The following NGFR variants were observed in gnomAD, a reference collection of about 807,000 sequenced individuals.
The protein encoded by NGFR is nerve growth factor receptor, also known as tumor necrosis factor receptor superfamily member 16.
A neutral mutation model predicts 43.2 loss-of-function variants in NGFR; 30 were observed. The observed-to-expected ratio is 0.69, with a 90% CI of 0.52 to 0.94. NGFR has a LOEUF of 0.94. Among genes scored for constraint, NGFR ranks in the 40% least tolerant of loss-of-function variants. The pLI is 0.00. For missense variants in NGFR, 529 were observed against 602.5 expected, an observed-to-expected ratio of 0.88 and a Z score of 1.28; for synonymous variants, 246 against 259.6, an observed-to-expected ratio of 0.95 and a Z score of 0.50.
At position 49,495,412 on chromosome 17, in the gene NGFR, C is replaced by A. The variant is rs537350153; in HGVS notation, c.-6C>A. The stretch of plus-strand genomic sequence containing the variant: ...GGAAGTCGAGCGCTGCCGCGGGAGG[C>A]GGGCGATGGGGGCAGGTGCCACCGG... On this transcript the variant is annotated 5_prime_UTR_variant, in exon 1 of 6. Coordinates refer to ENST00000172229, the MANE Select transcript of NGFR (RefSeq NM_002507.4). The surrounding 1 kb of genome is among the most constrained non-coding windows in gnomAD (Gnocchi z 6.4). The A allele has an allele frequency of 4.9e-6, 6 of 1,234,506 alleles. No homozygotes were observed. In the Admixed American group the frequency reaches 2.1e-4, roughly 43 times the overall value. The allele number at this position is 1,234,506 out of a possible 1,614,324, so 76.5% of individuals were successfully genotyped here.
chr17:49,509,712 C>T (rs1435206097), intron 3 of NGFR, among the ~76,000 whole-genome samples: 1 of 152,160 alleles, frequency 6.6e-6, no homozygotes, highest in Non-Finnish European at 1.5e-5. Flanking sequence ...CAGGATCAGG[C>T]TAGGTGGGAG....
chr17:49,506,130 C>T, intron 2 of NGFR, 169 bp from the exon 3 acceptor site: 1 of 1,308,194 alleles, frequency 7.6e-7, no homozygotes, highest in Non-Finnish European at 9.9e-7. Flanking sequence ...CTGCCACCAA[C>T]TTTCACAGGC....
At chr17:49,500,858 A>T (rs1417711421) in intron 1 of NGFR, among the ~76,000 whole-genome samples, 1 of 151,886 alleles carries the variant, frequency 6.6e-6, no homozygotes, top group African/African-American at 2.4e-5. Flanking sequence ...TCCCCACCAA[A>T]CCCTGATGAG....
At chr17:49,506,027 C>T (rs1285874077) in intron 2 of NGFR, 1 of 503,034 alleles carries the variant, frequency 2.0e-6, no homozygotes, top group East Asian at 3.3e-5. Flanking sequence ...CTTAGCGGCA[C>T]CAGCTGGGTT....
At chr17:49,510,368 G>A (rs2143444405) in intron 3 of NGFR, 44 bp from the exon 4 acceptor site, 1 of 1,604,338 alleles carries the variant, frequency 6.2e-7, no homozygotes, top group East Asian at 2.2e-5. Context: ...TAAAAGGGAG[G>A]AGTGGGGGAA....
At chr17:49,508,845 C>T (rs1016532075) in intron 3 of NGFR, among the ~76,000 whole-genome samples, 4 of 152,266 alleles carry the variant, frequency 2.6e-5, no homozygotes, top group African/African-American at 7.2e-5. Flanking sequence ...CCCTCCCAGC[C>T]TTCCCCTACC....
chr17:49,510,912 G>A (rs751658274), intron 4 of NGFR: 4 of 522,012 alleles, frequency 7.7e-6, no homozygotes, highest in Admixed American at 3.3e-5. Context: ...CTCCCATGCC[G>A]CACCACTCCC....
At chr17:49,501,999 A>ACCCCCCCCCCCCCCC in intron 1 of NGFR, 64 bp from the exon 2 acceptor site, 3 of 330,984 alleles carry the variant, frequency 9.1e-6, no homozygotes, top group East Asian at 6.4e-5. Flanking sequence ...TCCCCGGAAG[A>ACCCCCCCCCCCCCCC]ACCCCCCCCA....
rs1328030811 is a variant in NGFR at position 49,503,561 on chromosome 17, CT to C, written c.208+1358del. ...CTAGTGTTACCTCTGGATGTCCCCC[CT>C]GAGTCTATCTGTCCTCCAGGCAACC... On this transcript the variant is annotated intron_variant, in intron 2 of 5. Transcript: ENST00000172229. 2.5e-4 allele frequency among the ~76,000 whole-genome samples: 38 copies of C among 152,330 alleles called. No homozygotes were observed. In the South Asian group the frequency reaches 3.5e-3, roughly 14 times the overall value.
chr17:49,507,758 G>A (rs1251189676), intron 3 of NGFR, among the ~76,000 whole-genome samples: 1 of 145,892 alleles, frequency 6.9e-6, no homozygotes, highest in East Asian at 2.0e-4. Context: ...CCCTGAGCAG[G>A]CAATATAGTA....
rs1222676126 is a variant in NGFR, at chr17:49,506,589, T to C, written c.499T>C (p.Cys167Arg). The C allele has an allele frequency of 6.2e-7, 1 of 1,609,446 alleles. No individual in the cohort carries two copies. Among genetic ancestry groups the C allele is most frequent in the Non-Finnish European group, 8.5e-7 (1 of 1,178,738 alleles). Residue 167 changes from cysteine (C) to arginine (R), a missense_variant, in exon 3 of 6, where the codon TGC becomes CGC. Coordinates refer to ENST00000172229, the MANE Select transcript of NGFR (RefSeq NM_002507.4). The stretch of plus-strand genomic sequence containing the variant: ...CAACCACGTGGACCCGTGCCTGCCC[T>C]GCACCGTGTGCGAGGACACCGAGCG... ...EANHVDPCLP[C>R]TVCEDTERQL...
chr17:49,514,544 T>G lies in NGFR; in HGVS notation c.*1535T>G, dbSNP rs2071257590. ...TTGGAGTGAGTGTGGCTCCCCTCTA[T>G]TTAGCATGACAAGCCCCAGGCAGGC... On this transcript the variant is annotated 3_prime_UTR_variant, in exon 6 of 6. Transcript: ENST00000172229. 1 of 152,142 alleles carries G rather than the reference T, an allele frequency of 6.6e-6. No individual in the cohort carries two copies. The highest frequency in any genetic ancestry group is 1.5e-5 in the Non-Finnish European group (1 of 68,100). The allele number at this position is 152,142 out of a possible 1,614,324, so 9.4% of individuals were successfully genotyped here.
chr17:49,510,301 C>T, intron 3 of NGFR, 111 bp from the exon 4 acceptor site: 1 of 1,494,994 alleles, frequency 6.7e-7, no homozygotes, highest in African/African-American at 1.4e-5. Context: ...CAGCTGGGCA[C>T]AAGAGCACCT....
At chr17:49,500,704 T>C (rs2071162709) in intron 1 of NGFR, among the ~76,000 whole-genome samples, 1 of 152,132 alleles carries the variant, frequency 6.6e-6, no homozygotes, top group South Asian at 2.1e-4. Flanking sequence ...CAGCACTGAG[T>C]GTGTTGCTGC....
intron 1 of NGFR, chr17:49,497,653 A>T (rs978197884): frequency 1.3e-5 from 2 of 152,178 alleles, no homozygotes; most frequent in Non-Finnish European, 2.9e-5. Context: ...GGCCGCGGTG[A>T]GAGAGAGAGG....
At chr17:49,502,935 A>G (rs921223887) in intron 2 of NGFR, among the ~76,000 whole-genome samples, 2 of 146,418 alleles carry the variant, frequency 1.4e-5, no homozygotes, top group Non-Finnish European at 1.5e-5. Context: ...TCCTTCCTTC[A>G]ACAGAGTTTT....
Position 49,495,825 on chromosome 17 carries a change from T to G in NGFR, c.66+342T>G. The G allele has an allele frequency of 3.6e-6, 1 of 279,892 alleles. No homozygotes were observed. Among genetic ancestry groups the G allele is most frequent in the Non-Finnish European group, 6.7e-6 (1 of 150,254 alleles). 17.3% of individuals were successfully genotyped at this position (279,892 alleles called of 1,614,324 possible). Reference sequence around the variant, plus strand: ...GGAAGAGGACACTCGAATGCCGGGATCCCGAAGGGACTTTCCCCTCAGCAT... The same window carrying G: ...GGAAGAGGACACTCGAATGCCGGGAGCCCGAAGGGACTTTCCCCTCAGCAT... On this transcript the variant is annotated intron_variant, in intron 1 of 5. Transcript: ENST00000172229. This position sits in a 1 kb window ranked among gnomAD's most constrained non-coding sequence, Gnocchi z 6.4.
intron 4 of NGFR, 78 bp from the exon 5 acceptor site, chr17:49,511,814 G>T: frequency 7.0e-7 from 1 of 1,432,170 alleles, no homozygotes; most frequent in South Asian, 1.5e-5. Flanking sequence ...GCCCTCACAC[G>T]GCAGAGCACA....
At chr17:49,505,162 C>T (rs1399869661) in intron 2 of NGFR, among the ~76,000 whole-genome samples, 2 of 152,064 alleles carry the variant, frequency 1.3e-5, no homozygotes, top group Admixed American at 1.3e-4. Context: ...CCAGTGACCC[C>T]TTGCTCCATC....
Sources: allele counts gnomAD v4.1 joint callset (sites outside exome capture counted in the v4.1 genomes callset), GRCh38; gene constraint gnomAD v4.1.1; non-coding constraint Gnocchi (gnomAD v3.1); transcripts MANE v1.5; gene names NCBI Gene and HGNC (gene_info 2026-07-23, HGNC 2026-07-21).